The following FOXN3 variants were observed in gnomAD, a reference collection of about 807,000 sequenced individuals.
FOXN3 encodes the protein forkhead box protein N3.
Under a neutral mutation model 38.4 loss-of-function variants are expected in FOXN3, and 7 were observed. The ratio of observed to expected loss-of-function variants is 0.18; its 90% confidence interval spans 0.10 to 0.34. The LOEUF is 0.34. Ranked by LOEUF, FOXN3 falls within the 10% of genes least tolerant of loss-of-function variation. The pLI is 1.00. For missense variants in FOXN3, 456 were observed against 613.4 expected (o/e 0.74, Z 2.71); for synonymous variants, 230 against 242.2 (o/e 0.95, Z 0.47).
At chr14:89,516,866 G>A (rs941437307) in intron 1 of FOXN3, among the ~76,000 whole-genome samples, 6 of 152,096 alleles carry the variant, frequency 3.9e-5, no homozygotes, top group Non-Finnish European at 7.3e-5. Flanking sequence ...TCTAGCCCCA[G>A]TAGCTTTTAA....
chr14:89,208,535 T>G (rs950716664), intron 4 of FOXN3, among the ~76,000 whole-genome samples: 5 of 152,344 alleles, frequency 3.3e-5, no homozygotes, highest in Non-Finnish European at 7.4e-5. Flanking sequence ...TAGTATTTTG[T>G]AAGATTGCTA....
chr14:89,502,559 A>G (rs947000753), intron 1 of FOXN3, among the ~76,000 whole-genome samples: 4 of 152,214 alleles, frequency 2.6e-5, no homozygotes, highest in African/African-American at 4.8e-5. Flanking sequence ...ATTTTTCTAC[A>G]TAGGAATCCT....
intron 1 of FOXN3, among the ~76,000 whole-genome samples, chr14:89,488,754 C>A (rs1013234317): frequency 5.4e-4 from 82 of 152,132 alleles, no homozygotes; most frequent in African/African-American, 1.9e-3. Context: ...AACACACACA[C>A]AAAATTTTAA....
chr14:89,334,393 T>C (rs1888375266), intron 3 of FOXN3, among the ~76,000 whole-genome samples: 1 of 152,240 alleles, frequency 6.6e-6, no homozygotes, highest in East Asian at 1.9e-4. Context: ...GTGGATCACC[T>C]GAGGTCAGGA....
At chr14:89,458,691 T>C (rs117659568) in intron 1 of FOXN3, among the ~76,000 whole-genome samples, 1 of 152,234 alleles carries the variant, frequency 6.6e-6, no homozygotes, top group Non-Finnish European at 1.5e-5. Flanking sequence ...CCAGCTGCCC[T>C]CTCAACACTG....
intron 3 of FOXN3, among the ~76,000 whole-genome samples, chr14:89,296,280 T>C (rs1318566013): frequency 6.6e-6 from 1 of 152,220 alleles, no homozygotes; most frequent in African/African-American, 2.4e-5. Context: ...TGCTACACAG[T>C]TTCTAATTTT....
At chr14:89,531,089 T>C (rs573395975) in intron 1 of FOXN3, among the ~76,000 whole-genome samples, 26 of 146,388 alleles carry the variant, frequency 1.8e-4, no homozygotes, top group Admixed American at 8.2e-4. Context: ...CACATATATA[T>C]ACACACACAT....
chr14:89,288,957 G>A (rs1426737468), intron 3 of FOXN3, among the ~76,000 whole-genome samples: 2 of 151,180 alleles, frequency 1.3e-5, no homozygotes, highest in Admixed American at 6.6e-5. Context: ...GCAAGTGGGC[G>A]GATCCCTTGA....
At chr14:89,607,691 T>A (rs891583904) in intron 1 of FOXN3, among the ~76,000 whole-genome samples, 2 of 152,030 alleles carry the variant, frequency 1.3e-5, no homozygotes, top group Non-Finnish European at 2.9e-5. Flanking sequence ...GCAAACTGGA[T>A]CACTTATTGG....
intron 1 of FOXN3, among the ~76,000 whole-genome samples, chr14:89,537,759 G>T (rs1894718372): frequency 6.6e-6 from 1 of 152,074 alleles, no homozygotes; most frequent in African/African-American, 2.4e-5. Context: ...ATGTTGTTAA[G>T]AACAAACAAA....
At chr14:89,213,782 A>G (rs1362679330) in intron 4 of FOXN3, among the ~76,000 whole-genome samples, 1 of 149,966 alleles carries the variant, frequency 6.7e-6, no homozygotes. Context: ...CCCACCCCAG[A>G]GGAAATTTGA....
At chr14:89,189,241 C>T (rs1025637633) in intron 4 of FOXN3, among the ~76,000 whole-genome samples, 12 of 152,168 alleles carry the variant, frequency 7.9e-5, no homozygotes, top group Non-Finnish European at 1.6e-4. Flanking sequence ...TAGTCCAATA[C>T]TAACAAAAGG....
At chr14:89,498,847 T>C (rs28742254) in intron 1 of FOXN3, among the ~76,000 whole-genome samples, 8,511 of 151,846 alleles carry the variant, frequency 0.056, 770 homozygotes, top group African/African-American at 0.19. Flanking sequence ...AACTGGGTGC[T>C]TTATAAGGAT....
At chr14:89,264,816 A>G (rs1267253334) in intron 4 of FOXN3, among the ~76,000 whole-genome samples, 1 of 152,214 alleles carries the variant, frequency 6.6e-6, no homozygotes, top group Non-Finnish European at 1.5e-5. Context: ...CTCAAGTAGG[A>G]TTCCATGCAG....
chr14:89,561,931 T>G (rs1270895192), intron 1 of FOXN3, among the ~76,000 whole-genome samples: 1 of 152,176 alleles, frequency 6.6e-6, no homozygotes, highest in Non-Finnish European at 1.5e-5. Flanking sequence ...TGTCAACAGA[T>G]TTTGAGCGTC....
chr14:89,472,474 A>G (rs1423206424), intron 1 of FOXN3, among the ~76,000 whole-genome samples: 1 of 152,082 alleles, frequency 6.6e-6, no homozygotes, highest in East Asian at 1.9e-4. Context: ...TAATCCCAGC[A>G]CTTTGGGAGG....
chr14:89,236,900 C>T (rs1884997950), intron 4 of FOXN3, among the ~76,000 whole-genome samples: 1 of 152,186 alleles, frequency 6.6e-6, no homozygotes, highest in South Asian at 2.1e-4. Flanking sequence ...GCCACATGTA[C>T]CCCACCACTT....
intron 1 of FOXN3, among the ~76,000 whole-genome samples, chr14:89,444,219 A>T (rs1229724713): frequency 6.6e-6 from 1 of 152,008 alleles, no homozygotes; most frequent in African/African-American, 2.4e-5. Flanking sequence ...AAGAAACTGA[A>T]ATATAGAGGA....
chr14:89,447,263 G>A (rs1029514708), intron 1 of FOXN3, among the ~76,000 whole-genome samples: 2 of 151,526 alleles, frequency 1.3e-5, no homozygotes, highest in Non-Finnish European at 2.9e-5. Context: ...TATTCCCGTT[G>A]TAATGCCTTG....
Sources: allele counts gnomAD v4.1 joint callset (sites outside exome capture counted in the v4.1 genomes callset), GRCh38; gene constraint gnomAD v4.1.1; transcripts MANE v1.5; gene names NCBI Gene and HGNC (gene_info 2026-07-23, HGNC 2026-07-21).